Variants in RABEP1 observed in about 807,000 individuals in gnomAD.
RABEP1 encodes rab GTPase-binding effector protein 1.
A neutral mutation model predicts 123.4 loss-of-function variants in RABEP1; 51 were observed. The observed-to-expected ratio is 0.41, with a 90% CI of 0.33 to 0.52. The LOEUF is 0.52. Among genes scored for constraint, RABEP1 ranks in the 20% least tolerant of loss-of-function variants. The pLI is 0.16. For synonymous variants in RABEP1, 347 were observed against 355.2 expected, an observed-to-expected ratio of 0.98 and a Z score of 0.26; for missense variants, 888 against 996.3, an observed-to-expected ratio of 0.89 and a Z score of 1.46.
At chr17:5,299,946 T>A (rs1206797560) in intron 1 of RABEP1, among the ~76,000 whole-genome samples, 23 of 152,016 alleles carry the variant, frequency 1.5e-4, no homozygotes, top group African/African-American at 5.5e-4. Context: ...GCCAGGATGC[T>A]CTTGATCTCT....
chr17:5,310,389 A>G (rs1409578053), intron 2 of RABEP1, among the ~76,000 whole-genome samples: 1 of 142,378 alleles, frequency 7.0e-6, no homozygotes, highest in Non-Finnish European at 1.5e-5. Context: ...ATCTCAGCTC[A>G]CTACAACCTC....
intron 3 of RABEP1, among the ~76,000 whole-genome samples, chr17:5,334,045 T>G (rs1461415330): frequency 2.1e-5 from 3 of 145,578 alleles, no homozygotes; most frequent in African/African-American, 7.9e-5. Context: ...GTCTGTTACC[T>G]AGTGGTTTTT....
intron 8 of RABEP1, among the ~76,000 whole-genome samples, chr17:5,359,462 T>C (rs888101121): frequency 1.3e-5 from 2 of 152,192 alleles, no homozygotes; most frequent in Admixed American, 1.3e-4. Flanking sequence ...ATATGATACA[T>C]AGCAGTGGGT....
At chr17:5,287,561 C>T (rs901251910) in intron 1 of RABEP1, among the ~76,000 whole-genome samples, 3 of 141,358 alleles carry the variant, frequency 2.1e-5, no homozygotes, top group African/African-American at 5.3e-5. Context: ...ATCATGCCAC[C>T]GTGCTCCAGC....
chr17:5,353,006 G>C (rs907599968), intron 7 of RABEP1, among the ~76,000 whole-genome samples: 1 of 152,140 alleles, frequency 6.6e-6, no homozygotes, highest in African/African-American at 2.4e-5. Context: ...ACAATTATAC[G>C]GTTCCTGTGT....
chr17:5,365,131 C>G lies in RABEP1; in HGVS notation c.1678C>G (p.Leu560Val). The G allele has an allele frequency of 6.3e-7, 1 of 1,597,992 alleles. No individual in the cohort carries two copies. Among genetic ancestry groups the G allele is most frequent in the Non-Finnish European group, 8.5e-7 (1 of 1,174,788 alleles). ...EAETRDQVKK[L>V]QLMLRQANDQ... ...TTTTAAAATGATACAGGTGAAAAAA[C>G]TACAGCTGATGCTAAGGCAAGCTAA... is the stretch of plus-strand genomic sequence containing the variant. Residue 560 changes from leucine (L) to valine (V), a missense_variant, in exon 11 of 18, where the codon CTA becomes GTA. Coordinates refer to ENST00000537505, the MANE Select transcript of RABEP1 (RefSeq NM_004703.6).
At chr17:5,345,213 G>A (rs1315431515) in intron 5 of RABEP1, among the ~76,000 whole-genome samples, 4 of 152,178 alleles carry the variant, frequency 2.6e-5, no homozygotes, top group Non-Finnish European at 1.5e-5. Context: ...TTGTCACATT[G>A]TCCTCCCAGT....
chr17:5,299,731 C>CTTTTTTTTTTTTTTTTTTTTTTTTTTT (rs1171650180), intron 1 of RABEP1, among the ~76,000 whole-genome samples: 2 of 96,862 alleles, frequency 2.1e-5, no homozygotes, highest in African/African-American at 4.6e-5. Flanking sequence ...TTTTCTTTTT[C>CTTTTTTTTTTTTTTTTTTTTTTTTTTT]TTTTTTTTTT....
At chr17:5,374,003 G>A (rs1025599119) in intron 13 of RABEP1, among the ~76,000 whole-genome samples, 1 of 151,594 alleles carries the variant, frequency 6.6e-6, no homozygotes, top group Admixed American at 6.6e-5. Flanking sequence ...TGCTTATGAC[G>A]TTTGTTTTTG....
intron 1 of RABEP1, among the ~76,000 whole-genome samples, chr17:5,306,046 C>G (rs528138129): frequency 6.6e-6 from 1 of 152,272 alleles, no homozygotes; most frequent in African/African-American, 2.4e-5. Context: ...TGGGAATGAA[C>G]ACATAGCGAT....
intron 1 of RABEP1, among the ~76,000 whole-genome samples, chr17:5,306,321 C>T (rs999289146): frequency 6.6e-6 from 1 of 152,000 alleles, no homozygotes; most frequent in African/African-American, 2.4e-5. Flanking sequence ...TTAGTTTGTT[C>T]ACGATGCTAT....
intron 12 of RABEP1, among the ~76,000 whole-genome samples, chr17:5,371,048 G>C (rs1002371317): frequency 6.6e-6 from 1 of 151,738 alleles, no homozygotes; most frequent in Admixed American, 6.6e-5. Flanking sequence ...CTCACTGCAA[G>C]CTCCGCCTCC....
intron 1 of RABEP1, among the ~76,000 whole-genome samples, chr17:5,299,789 G>A (rs2075120105): frequency 7.2e-6 from 1 of 138,506 alleles, no homozygotes; most frequent in South Asian, 2.6e-4. Context: ...GAGTGCAATG[G>A]CGTGATCTCG....
chr17:5,370,218 G>A (rs983907650), intron 12 of RABEP1, among the ~76,000 whole-genome samples: 2 of 152,190 alleles, frequency 1.3e-5, no homozygotes, highest in Non-Finnish European at 2.9e-5. Context: ...GTGTATGTTT[G>A]TAGGTATATG....
chr17:5,286,146 C>T (rs565823830), intron 1 of RABEP1, among the ~76,000 whole-genome samples: 1 of 152,116 alleles, frequency 6.6e-6, no homozygotes, highest in Non-Finnish European at 1.5e-5. Flanking sequence ...CCCTGTAATC[C>T]TACAAGCTCT....
intron 1 of RABEP1, among the ~76,000 whole-genome samples, chr17:5,290,174 G>A (rs769233000): frequency 1.3e-5 from 2 of 152,118 alleles, no homozygotes; most frequent in Non-Finnish European, 2.9e-5. Context: ...TGCAAGCTCC[G>A]CCTCCTGGGT....
chr17:5,366,695 C>G (rs1406795484), intron 11 of RABEP1, among the ~76,000 whole-genome samples: 1 of 151,978 alleles, frequency 6.6e-6, no homozygotes, highest in Non-Finnish European at 1.5e-5. Context: ...ATCCACTTGC[C>G]TCGGCCTCCC....
chr17:5,282,364 C>A lies in RABEP1; in HGVS notation c.-123C>A. ...GCGGCGCCGGCGGATCCAGCCTTAG[C>A]GGTTTCTCTCTGGGCGGCGGCGGCG... On this transcript the variant is annotated 5_prime_UTR_variant, in exon 1 of 18. Transcript: ENST00000537505. 1 of 770,102 alleles carries A rather than the reference C, an allele frequency of 1.3e-6. No homozygotes were observed. The highest frequency in any genetic ancestry group is 1.8e-6 in the Non-Finnish European group (1 of 551,084). 47.7% of individuals were successfully genotyped at this position (770,102 alleles called of 1,614,324 possible).
intron 2 of RABEP1, among the ~76,000 whole-genome samples, chr17:5,318,787 C>T (rs1178921859): frequency 6.6e-6 from 1 of 152,174 alleles, no homozygotes; most frequent in Admixed American, 6.5e-5. Context: ...ATCTGTCATG[C>T]ACATAGATGC....
Sources: allele counts gnomAD v4.1 joint callset (sites outside exome capture counted in the v4.1 genomes callset), GRCh38; gene constraint gnomAD v4.1.1; transcripts MANE v1.5; gene names NCBI Gene and HGNC (gene_info 2026-07-23, HGNC 2026-07-21).